Variants in PDE1C observed in about 807,000 individuals in gnomAD.
The protein encoded by PDE1C is dual specificity calcium/calmodulin-dependent 3',5'-cyclic nucleotide phosphodiesterase 1C.
PDE1C carries 62 observed loss-of-function variants against 93.1 expected under a neutral mutation model. The observed-to-expected ratio is 0.67, with a 90% CI of 0.54 to 0.82. The LOEUF (loss-of-function observed/expected upper bound fraction) is 0.82. PDE1C is among the 40% of genes least tolerant of loss of function. PDE1C has a pLI of 0.00. For missense variants in PDE1C, 742 were observed against 884.6 expected, an observed-to-expected ratio of 0.84 and a Z score of 2.04; for synonymous variants, 325 against 310.1, an observed-to-expected ratio of 1.05 and a Z score of -0.50.
At chr7:31,993,667 A>C (rs1784403182) in intron 2 of PDE1C, among the ~76,000 whole-genome samples, 1 of 152,234 alleles carries the variant, frequency 6.6e-6, no homozygotes, top group African/African-American at 2.4e-5. Context: ...CATTAGTAAA[A>C]AACAAATAGC....
At chr7:31,843,503 C>T (rs1186717852) in intron 9 of PDE1C, among the ~76,000 whole-genome samples, 1 of 151,804 alleles carries the variant, frequency 6.6e-6, no homozygotes, top group Non-Finnish European at 1.5e-5. Context: ...ATTAATAACA[C>T]CACTGCATTC....
intron 12 of PDE1C, among the ~76,000 whole-genome samples, chr7:31,826,445 A>G (rs1562873189): frequency 6.6e-6 from 1 of 152,196 alleles, no homozygotes; most frequent in African/African-American, 2.4e-5. Flanking sequence ...ATGGTTAATT[A>G]TAGTGTAGTT....
At position 32,164,673 on chromosome 7, in the gene PDE1C, G is replaced by A. The variant is rs139308488; in HGVS notation, c.308+5112C>T. Among the ~76,000 whole-genome samples, 988 of 152,298 alleles carry A rather than the reference G, an allele frequency of 6.5e-3. 8 individuals carry two copies. Among genetic ancestry groups the A allele is most frequent in the Non-Finnish European group, 0.012 (804 of 68,028 alleles). On this transcript the variant is annotated intron_variant, in intron 3 of 18. Transcript: ENST00000396193. ...GATTAAATGAGCAAATGAATGCACA[G>A]TCCTCGGCACATAGCAGATGCTCAA... is the stretch of plus-strand genomic sequence containing the variant.
At chr7:32,146,395 A>G (rs1199263140) in intron 3 of PDE1C, among the ~76,000 whole-genome samples, 4 of 152,124 alleles carry the variant, frequency 2.6e-5, no homozygotes, top group Admixed American at 6.5e-5. Flanking sequence ...AGGAGGACCC[A>G]TTCCTTTCCT....
intron 2 of PDE1C, among the ~76,000 whole-genome samples, chr7:31,892,348 G>A (rs138895714): frequency 1.3e-4 from 20 of 152,276 alleles, no homozygotes; most frequent in African/African-American, 4.6e-4. Context: ...AAGACAAATG[G>A]AGGTTCTCAG....
chr7:32,006,226 C>G (rs35318453), intron 2 of PDE1C, among the ~76,000 whole-genome samples: 20,965 of 152,142 alleles, frequency 0.14, 1,712 homozygotes, highest in Admixed American at 0.26. Flanking sequence ...TTGCCTGAAA[C>G]AGCTCTCCTC....
the PDE1C span, chr7:31,651,868 T>A: frequency 9.6e-7 from 1 of 1,036,744 alleles, no homozygotes; most frequent in Non-Finnish European, 1.5e-6. Context: ...ACCTATATTA[T>A]GAGGTGACAA....
At chr7:32,060,128 A>AT (rs1794629112) in intron 1 of PDE1C, among the ~76,000 whole-genome samples, 2 of 152,228 alleles carry the variant, frequency 1.3e-5, no homozygotes, top group African/African-American at 4.8e-5. Flanking sequence ...TTAGGGGAGG[A>AT]GTAGGGTTTT....
chr7:31,622,920 G>A, the PDE1C span, among the ~76,000 whole-genome samples: 1 of 151,928 alleles, frequency 6.6e-6, no homozygotes, highest in Admixed American at 6.6e-5. Flanking sequence ...ATGATAAAGG[G>A]GATATCACCA....
chr7:32,289,165 G>A (rs1438450228), intron 1 of PDE1C, among the ~76,000 whole-genome samples: 1 of 152,218 alleles, frequency 6.6e-6, no homozygotes, highest in African/African-American at 2.4e-5. Flanking sequence ...AACACTTTGG[G>A]AGGGCAAAGC....
chr7:32,141,133 G>A (rs1255006948), intron 3 of PDE1C, among the ~76,000 whole-genome samples: 1 of 152,252 alleles, frequency 6.6e-6, no homozygotes, highest in Non-Finnish European at 1.5e-5. Flanking sequence ...CCTGCCAGGA[G>A]GTGGAGCTTA....
chr7:32,085,022 T>C (rs1037429648), intron 3 of PDE1C, among the ~76,000 whole-genome samples: 1 of 124,126 alleles, frequency 8.1e-6, no homozygotes, highest in Non-Finnish European at 1.7e-5. Flanking sequence ...CTGAAGGAAA[T>C]AGAGACACAA....
rs549634228 is a variant in PDE1C, at chr7:31,785,496, A to C, written c.1892-9764T>G. On this transcript the variant is annotated intron_variant, in intron 16 of 17. Coordinates refer to ENST00000396191, the MANE Select transcript of PDE1C (RefSeq NM_001191057.4). The stretch of plus-strand genomic sequence containing the variant: ...CAAAAAATGACTAGGGTGGGTATTT[A>C]AGAAAACAATCAGGAATTAATATGT... The C allele has an allele frequency of 9.8e-5, 15 of 152,316 alleles. No homozygotes were observed. The South Asian group carries it at 3.1e-3, about 32-fold the overall frequency. 9.4% of individuals were successfully genotyped at this position (152,316 alleles called of 1,614,324 possible). A position where few individuals can be genotyped will look rare whatever the true frequency, so the allele number is the denominator to read the frequency against.
intron 6 of PDE1C, 41 bp downstream of exon 6, chr7:31,873,251 C>T: frequency 8.6e-7 from 1 of 1,156,182 alleles, no homozygotes; most frequent in Non-Finnish European, 1.3e-6. Context: ...TAAACATATG[C>T]ATGTAGTTTA....
At chr7:32,148,174 T>C (rs1359494681) in intron 3 of PDE1C, among the ~76,000 whole-genome samples, 2 of 152,036 alleles carry the variant, frequency 1.3e-5, no homozygotes, top group Non-Finnish European at 2.9e-5. Flanking sequence ...CTCACTACTA[T>C]GAATCACACA....
At chr7:32,182,927 A>T (rs1047616795) in intron 2 of PDE1C, among the ~76,000 whole-genome samples, 4 of 152,236 alleles carry the variant, frequency 2.6e-5, no homozygotes, top group Non-Finnish European at 5.9e-5. Flanking sequence ...AAATCTCCTT[A>T]AGCCAATAGG....
chr7:32,331,465 T>A (rs1472546029), intron 1 of PDE1C, among the ~76,000 whole-genome samples: 1 of 151,864 alleles, frequency 6.6e-6, no homozygotes, highest in Non-Finnish European at 1.5e-5. Context: ...AGGATGGAGG[T>A]CATGAGGAAT....
intron 17 of PDE1C, among the ~76,000 whole-genome samples, chr7:31,762,192 T>C (rs934105281): frequency 1.3e-5 from 2 of 152,220 alleles, no homozygotes; most frequent in African/African-American, 4.8e-5. Flanking sequence ...TTTCCTTTTG[T>C]AGAAATACAA....
At chr7:31,747,341 G>A (rs1342478457), downstream of PDE1C, among the ~76,000 whole-genome samples, 2 of 152,160 alleles carry the variant, frequency 1.3e-5, no homozygotes, top group Non-Finnish European at 2.9e-5. Context: ...AGGACAGTAA[G>A]TCTTCCCACA....
Sources: allele counts gnomAD v4.1 joint callset (sites outside exome capture counted in the v4.1 genomes callset), GRCh38; gene constraint gnomAD v4.1.1; transcripts MANE v1.5; gene names NCBI Gene and HGNC (gene_info 2026-07-23, HGNC 2026-07-21).